TCAIM: variants seen among roughly 807,000 people sequenced by gnomAD.
The protein encoded by TCAIM is T cell activation inhibitor, mitochondrial, also known as T-cell activation inhibitor, mitochondrial.
A neutral mutation model predicts 58.6 loss-of-function variants in TCAIM; 36 were observed. The observed-to-expected ratio is 0.61, with a 90% CI of 0.47 to 0.81. The LOEUF (loss-of-function observed/expected upper bound fraction) is 0.81. Among genes scored for constraint, TCAIM ranks in the 30% least tolerant of loss-of-function variants. The pLI is 0.00. For synonymous variants in TCAIM, 172 were observed against 193.6 expected (o/e 0.89, Z 0.93); for missense variants, 466 against 579.6 (o/e 0.80, Z 2.01).
Position 44,360,397 on chromosome 3 carries a change from C to T in TCAIM, c.166-968C>T, listed in dbSNP as rs531300185. Reference sequence around the variant, plus strand: ...TTAAAGTCCCATCTATTCATAGCATCGAACTCAAAGTCCAGGGTTTCCCAG... The same window carrying T: ...TTAAAGTCCCATCTATTCATAGCATTGAACTCAAAGTCCAGGGTTTCCCAG... On this transcript the variant is annotated intron_variant, in intron 3 of 10. Transcript: ENST00000342649. 3.3e-5 allele frequency among the ~76,000 whole-genome samples: 5 copies of T among 152,064 alleles called. No homozygotes were observed. In the South Asian group the frequency reaches 1.0e-3, roughly 32 times the overall value.
rs1701404685 is a variant in TCAIM at position 44,367,771 on chromosome 3, T to C, written c.572+63T>C. On this transcript the variant is annotated intron_variant, in intron 5 of 10. Transcript: ENST00000342649. ...AGTTTGTGTTTATGACACTGATTTA[T>C]TGGGATGGCAAAAACATTTTTTTAT... 9.1e-6 allele frequency: 13 copies of C among 1,427,758 alleles called. No individual in the cohort carries two copies. In the South Asian group the frequency reaches 1.4e-4, roughly 15 times the overall value. The allele number at this position is 1,427,758 out of a possible 1,614,324, so 88.4% of individuals were successfully genotyped here.
intron 5 of TCAIM, among the ~76,000 whole-genome samples, chr3:44,371,646 T>G (rs1251449099): frequency 6.6e-6 from 1 of 152,164 alleles, no homozygotes; most frequent in African/African-American, 2.4e-5. Flanking sequence ...ATATCTCTTA[T>G]CTCCCTAACA....
At chr3:44,341,713 A>C (rs1700857914) in intron 1 of TCAIM, among the ~76,000 whole-genome samples, 1 of 152,178 alleles carries the variant, frequency 6.6e-6, no homozygotes, top group Middle Eastern at 3.2e-3. Context: ...ACTCTGACAT[A>C]ATAATAGTTG....
At chr3:44,362,055 A>G (rs906883090) in intron 4 of TCAIM, among the ~76,000 whole-genome samples, 1 of 152,218 alleles carries the variant, frequency 6.6e-6, no homozygotes, top group Non-Finnish European at 1.5e-5. Flanking sequence ...AAGGACAAAT[A>G]TTTAGGGTAA....
intron 1 of TCAIM, among the ~76,000 whole-genome samples, chr3:44,352,822 A>G (rs1701117769): frequency 6.6e-6 from 1 of 151,348 alleles, no homozygotes; most frequent in Admixed American, 6.6e-5. Flanking sequence ...ATCTTTTTAT[A>G]CTGTCTTCAG....
At chr3:44,376,398 T>C (rs1481995464) in intron 5 of TCAIM, among the ~76,000 whole-genome samples, 2 of 152,218 alleles carry the variant, frequency 1.3e-5, no homozygotes, top group African/African-American at 4.8e-5. Context: ...TTTTGGACAA[T>C]GTATAAAGAT....
chr3:44,340,185 A>T (rs902986016), intron 1 of TCAIM: 8 of 152,202 alleles, frequency 5.3e-5, no homozygotes, highest in Non-Finnish European at 2.9e-5. Flanking sequence ...CAGTCAGCTG[A>T]TAGTAATTTG....
chr3:44,377,110 T>C (rs1701577902), intron 5 of TCAIM, among the ~76,000 whole-genome samples: 2 of 151,962 alleles, frequency 1.3e-5, no homozygotes, highest in Admixed American at 6.6e-5. Context: ...AAATAAATAA[T>C]AAAACACATG....
chr3:44,400,325 A>G, intron 8 of TCAIM, 30 bp from the exon 9 acceptor site: 1 of 1,525,794 alleles, frequency 6.6e-7, no homozygotes, highest in South Asian at 1.2e-5. Flanking sequence ...CATAAAACTA[A>G]TTATTTCTTT....
chr3:44,389,845 C>G (rs1433987080), intron 5 of TCAIM, among the ~76,000 whole-genome samples: 1 of 152,096 alleles, frequency 6.6e-6, no homozygotes, highest in Non-Finnish European at 1.5e-5. Flanking sequence ...ACTTCACCCC[C>G]AGTCCCTCTC....
chr3:44,389,039 C>G (rs1701789467), intron 5 of TCAIM, among the ~76,000 whole-genome samples: 1 of 152,182 alleles, frequency 6.6e-6, no homozygotes, highest in Admixed American at 6.5e-5. Context: ...CGCCTGTAAT[C>G]CCGGCACTTT....
intron 5 of TCAIM, among the ~76,000 whole-genome samples, chr3:44,369,608 A>G (rs1701432683): frequency 6.6e-6 from 1 of 152,218 alleles, no homozygotes. Context: ...AGATAAGTGT[A>G]TTCAACTGGG....
chr3:44,380,101 A>G (rs1268312988), intron 5 of TCAIM, among the ~76,000 whole-genome samples: 2 of 152,210 alleles, frequency 1.3e-5, no homozygotes, highest in African/African-American at 4.8e-5. Flanking sequence ...AATGTAAAGT[A>G]GTAAGACTTT....
At chr3:44,404,214 C>T (rs1443869642) in intron 10 of TCAIM, among the ~76,000 whole-genome samples, 1 of 152,130 alleles carries the variant, frequency 6.6e-6, no homozygotes, top group African/African-American at 2.4e-5. Flanking sequence ...GGAGTCCCCA[C>T]CCTCTGCTGC....
intron 9 of TCAIM, 55 bp from the exon 10 acceptor site, chr3:44,401,148 G>T: frequency 1.3e-6 from 2 of 1,586,000 alleles, no homozygotes; most frequent in Non-Finnish European, 8.6e-7. Flanking sequence ...TATTTTCTCT[G>T]GTGGGGGAGA....
At chr3:44,406,666 A>G (rs1387197119) in intron 10 of TCAIM, among the ~76,000 whole-genome samples, 1 of 152,224 alleles carries the variant, frequency 6.6e-6, no homozygotes, top group East Asian at 1.9e-4. Context: ...ATATTTGGAC[A>G]TTTTAAACCA....
At chr3:44,401,113 T>C in intron 9 of TCAIM, 90 bp from the exon 10 acceptor site, 1 of 1,522,464 alleles carries the variant, frequency 6.6e-7, no homozygotes, top group Admixed American at 2.2e-5. Context: ...ATGATTTTTT[T>C]TTATTTTCCT....
chr3:44,349,945 A>G (rs1351388387), intron 1 of TCAIM, among the ~76,000 whole-genome samples: 1 of 151,782 alleles, frequency 6.6e-6, no homozygotes, highest in Non-Finnish European at 1.5e-5. Context: ...TCGTAGGTGG[A>G]TCTTTCTTAC....
intron 1 of TCAIM, among the ~76,000 whole-genome samples, chr3:44,354,044 A>G (rs116108512): frequency 3.0e-3 from 462 of 152,224 alleles, no homozygotes; most frequent in African/African-American, 0.01. Context: ...TAGGAGTTTT[A>G]TAGCATTTTA....
Sources: gnomAD v4.1 joint callset for allele counts (sites outside exome capture counted in the v4.1 genomes callset) on GRCh38, gnomAD v4.1.1 for gene constraint, MANE v1.5 for transcripts, NCBI Gene and HGNC (gene_info 2026-07-23, HGNC 2026-07-21) for gene names.